The following SUGCT variants were observed in gnomAD, a reference collection of about 807,000 sequenced individuals.
SUGCT encodes succinyl-CoA:glutarate-CoA transferase.
In SUGCT, 41 loss-of-function variants were observed where a neutral mutation model predicts 55.0. The observed-to-expected ratio is 0.74, with a 90% confidence interval of 0.58 to 0.97. SUGCT has a LOEUF of 0.97. Ranked by LOEUF, SUGCT falls within the 50% of genes least tolerant of loss-of-function variation. The pLI, the probability that SUGCT is intolerant of heterozygous loss-of-function variation, is 0.00. For missense variants in SUGCT, 568 were observed against 547.8 expected (o/e 1.04, Z -0.37); for synonymous variants, 187 against 200.4 (o/e 0.93, Z 0.56).
At chr7:40,729,611 T>G (rs1039069308) in intron 12 of SUGCT, among the ~76,000 whole-genome samples, 1 of 152,094 alleles carries the variant, frequency 6.6e-6, no homozygotes, top group Non-Finnish European at 1.5e-5. Flanking sequence ...TTGGGTGAGA[T>G]GAGATGAGAA....
chr7:40,176,506 G>A (rs572180800), intron 1 of SUGCT, among the ~76,000 whole-genome samples: 1 of 152,126 alleles, frequency 6.6e-6, no homozygotes, highest in Non-Finnish European at 1.5e-5. Flanking sequence ...AAGTTCTGCA[G>A]TGTTAATTAT....
At chr7:40,843,531 T>TCA (rs1157027652) in intron 13 of SUGCT, among the ~76,000 whole-genome samples, 1 of 103,210 alleles carries the variant, frequency 9.7e-6, no homozygotes, top group Non-Finnish European at 2.1e-5. Context: ...TTGAAGTGAG[T>TCA]CAGTGTAGGC....
intron 13 of SUGCT, among the ~76,000 whole-genome samples, chr7:40,794,305 T>C (rs1223769331): frequency 6.6e-6 from 1 of 152,166 alleles, no homozygotes; most frequent in Non-Finnish European, 1.5e-5. Flanking sequence ...TTTCACCTTA[T>C]AATGTTTGTT....
At chr7:40,587,817 C>G (rs1797472356) in intron 12 of SUGCT, among the ~76,000 whole-genome samples, 1 of 151,900 alleles carries the variant, frequency 6.6e-6, no homozygotes, top group Non-Finnish European at 1.5e-5. Flanking sequence ...ATATAAATCA[C>G]TTGTATGAGA....
intron 9 of SUGCT, among the ~76,000 whole-genome samples, chr7:40,359,236 C>T (rs1460436354): frequency 6.6e-6 from 1 of 152,110 alleles, no homozygotes; most frequent in Non-Finnish European, 1.5e-5. Context: ...CAGAGTTTTG[C>T]TCTTGTTGCC....
At chr7:40,899,545 C>G in the SUGCT span, among the ~76,000 whole-genome samples, 1 of 152,122 alleles carries the variant, frequency 6.6e-6, no homozygotes, top group Non-Finnish European at 1.5e-5. Context: ...AAACAAAACT[C>G]ATAAGACGGC....
At chr7:40,635,322 A>C (rs867317789) in intron 12 of SUGCT, among the ~76,000 whole-genome samples, 12 of 152,048 alleles carry the variant, frequency 7.9e-5, no homozygotes, top group Non-Finnish European at 1.5e-4. Context: ...ACAAAAAAAA[A>C]CACATAGGGA....
intron 12 of SUGCT, among the ~76,000 whole-genome samples, chr7:40,519,779 C>G (rs1793429807): frequency 2.0e-5 from 3 of 151,960 alleles, no homozygotes; most frequent in Admixed American, 2.0e-4. Context: ...ATAAAAATTA[C>G]TTTTCCTTCC....
chr7:40,309,350 T>A (rs911786671), intron 8 of SUGCT, among the ~76,000 whole-genome samples: 1 of 152,148 alleles, frequency 6.6e-6, no homozygotes, highest in African/African-American at 2.4e-5. Flanking sequence ...TTGCCCAGGC[T>A]ATAGTGCAAT....
chr7:40,754,741 A>G (rs916980580), intron 13 of SUGCT, among the ~76,000 whole-genome samples: 2 of 152,238 alleles, frequency 1.3e-5, no homozygotes, highest in Non-Finnish European at 2.9e-5. Flanking sequence ...AACAGTATCA[A>G]TGTTGAATCT....
chr7:40,787,970 C>T (rs754622201), intron 13 of SUGCT, among the ~76,000 whole-genome samples: 6 of 152,098 alleles, frequency 3.9e-5, no homozygotes, highest in South Asian at 4.1e-4. Flanking sequence ...TCTTTGCTGG[C>T]GAGGTGTTAG....
chr7:40,575,212 T>A (rs926574614), intron 12 of SUGCT, among the ~76,000 whole-genome samples: 13 of 152,074 alleles, frequency 8.5e-5, no homozygotes, highest in Admixed American at 1.3e-4. Context: ...ACTACCAATA[T>A]GAAAGTTTAA....
At chr7:40,834,908 AG>A (rs1486425209) in intron 13 of SUGCT, among the ~76,000 whole-genome samples, 1 of 152,146 alleles carries the variant, frequency 6.6e-6, no homozygotes, top group African/African-American at 2.4e-5. Flanking sequence ...CTCTTCTAGG[AG>A]GCTATGGATA....
In SUGCT at chr7:40,612,962, G is replaced by A. The variant is rs187432093; in HGVS notation, c.1089+116576G>A. On this transcript the variant is annotated intron_variant, in intron 12 of 13. Coordinates refer to ENST00000335693, the MANE Select transcript of SUGCT (RefSeq NM_001193313.2). The stretch of plus-strand genomic sequence containing the variant: ...AGCCTGGCCAACATGGTGAAACCCC[G>A]TCTCTACTAAAAATACAAAAATTAG... Among the ~76,000 whole-genome samples, 683 of 152,126 alleles carry A rather than the reference G, an allele frequency of 4.5e-3. 4 individuals are homozygous for A. The highest frequency in any genetic ancestry group is 6.7e-3 in the Non-Finnish European group (454 of 68,004).
intron 1 of SUGCT, among the ~76,000 whole-genome samples, chr7:40,135,578 T>A (rs1384722653): frequency 6.6e-6 from 1 of 152,272 alleles, no homozygotes. Flanking sequence ...TTAGCTTTAC[T>A]ACAGTGTTAT....
chr7:40,590,123 AG>A (rs1797630622), intron 12 of SUGCT, among the ~76,000 whole-genome samples: 1 of 152,160 alleles, frequency 6.6e-6, no homozygotes, highest in Non-Finnish European at 1.5e-5. Context: ...ATGTTACTGT[AG>A]TAATTATTCT....
chr7:40,508,241 T>C (rs892976310), intron 12 of SUGCT, among the ~76,000 whole-genome samples: 1 of 152,122 alleles, frequency 6.6e-6, no homozygotes, highest in African/African-American at 2.4e-5. Flanking sequence ...CAGTGGATCG[T>C]TTTACCTACA....
intron 12 of SUGCT, among the ~76,000 whole-genome samples, chr7:40,576,076 CATCT>C (rs1279225172): frequency 1.3e-5 from 2 of 152,088 alleles, no homozygotes; most frequent in South Asian, 2.1e-4. Flanking sequence ...CTCATGTTTG[CATCT>C]ATCAGTTAGT....
At chr7:40,189,358 A>G (rs1169187923) in intron 4 of SUGCT, among the ~76,000 whole-genome samples, 186 bp from the exon 5 acceptor site, 1 of 151,656 alleles carries the variant, frequency 6.6e-6, no homozygotes, top group East Asian at 1.9e-4. Flanking sequence ...TAAAAAAAGA[A>G]AAAAAGAAAA....
Sources: allele counts gnomAD v4.1 joint callset (sites outside exome capture counted in the v4.1 genomes callset), GRCh38; gene constraint gnomAD v4.1.1; transcripts MANE v1.5; gene names NCBI Gene and HGNC (gene_info 2026-07-23, HGNC 2026-07-21).